WWOX: variants seen among roughly 807,000 people sequenced by gnomAD.
WWOX encodes WW domain containing oxidoreductase.
WWOX carries 69 observed loss-of-function variants against 46.2 expected under a neutral mutation model. The ratio of observed to expected loss-of-function variants is 1.49; its 90% confidence interval spans 1.23 to 1.82. WWOX has a LOEUF of 1.82. Among genes scored for constraint, WWOX ranks in the 40% most tolerant of loss-of-function variants. WWOX has a pLI of 0.00. For synonymous variants in WWOX, 359 were observed against 202.6 expected, an observed-to-expected ratio of 1.77 and a Z score of -6.56; for missense variants, 919 against 542.6, an observed-to-expected ratio of 1.69 and a Z score of -6.89.
intron 8 of WWOX, among the ~76,000 whole-genome samples, chr16:78,687,360 C>G (rs1025647034): frequency 6.6e-6 from 1 of 152,172 alleles, no homozygotes; most frequent in East Asian, 1.9e-4. Context: ...AGAAGAGAAT[C>G]GAAAATGCGA....
chr16:78,236,471 T>A (rs1449202930), intron 5 of WWOX, among the ~76,000 whole-genome samples: 1 of 152,192 alleles, frequency 6.6e-6, no homozygotes, highest in Non-Finnish European at 1.5e-5. Context: ...GGTTTGTCCT[T>A]TCCATGTCAG....
intron 8 of WWOX, among the ~76,000 whole-genome samples, chr16:78,493,123 G>C (rs972492862): frequency 3.9e-5 from 6 of 152,254 alleles, no homozygotes; most frequent in East Asian, 3.9e-4. Context: ...ATTTACTGCT[G>C]TTGGAGCCTG....
chr16:78,330,490 G>C (rs978897841), intron 5 of WWOX, among the ~76,000 whole-genome samples: 3 of 151,894 alleles, frequency 2.0e-5, no homozygotes, highest in African/African-American at 7.3e-5. Flanking sequence ...TCTGCCTCCT[G>C]GGTTCAAGCA....
In WWOX at chr16:78,326,570, T is replaced by TCCCCCCCCCCCC. The variant is rs1287342811; in HGVS notation, c.517-60284_517-60283insCCCCCCCCCCCC. ...TCTCTGGCTTTATTTCTGCCTGCCCTCCCCCCGCCCCCCCCCCCCGCAATG... is the reference window on the plus strand; with the variant it reads ...TCTCTGGCTTTATTTCTGCCTGCCCTCCCCCCCCCCCCCCCCCCGCCCCCCCCCCCCGCAATG... On this transcript the variant is annotated intron_variant, in intron 5 of 8. Coordinates refer to ENST00000566780, the MANE Select transcript of WWOX (RefSeq NM_016373.4). Among the ~76,000 whole-genome samples the TCCCCCCCCCCCC allele has an allele frequency of 1.2e-3, 12 of 10,024 alleles. 1 individual carries two copies. The highest frequency in any genetic ancestry group is 2.0e-3 in the Non-Finnish European group (10 of 5,036). 6.6% of individuals were successfully genotyped at this position (10,024 alleles called of 152,430 possible).
intron 8 of WWOX, among the ~76,000 whole-genome samples, chr16:78,599,439 T>G (rs1173199823): frequency 6.6e-6 from 1 of 152,198 alleles, no homozygotes; most frequent in Non-Finnish European, 1.5e-5. Context: ...TGGCCATGGC[T>G]GGGGAATTGG....
intron 6 of WWOX, among the ~76,000 whole-genome samples, chr16:78,404,327 G>C (rs1329208303): frequency 6.6e-6 from 1 of 152,098 alleles, no homozygotes; most frequent in Admixed American, 6.6e-5. Flanking sequence ...TGTATGCCAA[G>C]CATAACCCTA....
intron 8 of WWOX, among the ~76,000 whole-genome samples, chr16:78,983,439 A>C (rs976053448): frequency 2.1e-4 from 32 of 152,202 alleles, no homozygotes; most frequent in African/African-American, 5.5e-4. Flanking sequence ...TTTATCCATA[A>C]AACTGAACAG....
chr16:78,790,295 T>G (rs1850835410), intron 8 of WWOX, among the ~76,000 whole-genome samples: 1 of 152,040 alleles, frequency 6.6e-6, no homozygotes, highest in Non-Finnish European at 1.5e-5. Context: ...CCAGCACGCC[T>G]GACTGATTTC....
At chr16:78,979,534 A>G (rs570258722) in intron 8 of WWOX, among the ~76,000 whole-genome samples, 10 of 152,184 alleles carry the variant, frequency 6.6e-5, no homozygotes, top group African/African-American at 1.9e-4. Flanking sequence ...ACTCCCTGGA[A>G]TCAGCTAGCG....
chr16:78,691,176 A>G (rs1373178924), intron 8 of WWOX: 5 of 697,988 alleles, frequency 7.2e-6, no homozygotes, highest in East Asian at 2.7e-5. Context: ...TGTTTGTGCG[A>G]TAAGAGAATA....
At chr16:78,671,053 T>C (rs1156470590) in intron 8 of WWOX, among the ~76,000 whole-genome samples, 3 of 152,174 alleles carry the variant, frequency 2.0e-5, no homozygotes, top group Admixed American at 6.5e-5. Context: ...GCATTTCTCC[T>C]GCAGAACCCC....
chr16:78,125,518 G>C (rs1228715415), intron 4 of WWOX, among the ~76,000 whole-genome samples: 1 of 152,172 alleles, frequency 6.6e-6, no homozygotes, highest in Non-Finnish European at 1.5e-5. Flanking sequence ...TCTGCGGGGA[G>C]GGCCAAGGCA....
At chr16:78,645,705 C>T (rs545969058) in intron 8 of WWOX, among the ~76,000 whole-genome samples, 2 of 152,206 alleles carry the variant, frequency 1.3e-5, no homozygotes, top group East Asian at 3.9e-4. Flanking sequence ...GGGATCCACC[C>T]CCGTAACCTA....
chr16:78,362,505 A>C (rs2081433045), intron 5 of WWOX, among the ~76,000 whole-genome samples: 1 of 152,080 alleles, frequency 6.6e-6, no homozygotes, highest in African/African-American at 2.4e-5. Context: ...GGTACTCGGG[A>C]GGCTGAGGCA....
chr16:78,844,942 A>G (rs1460443588), intron 8 of WWOX, among the ~76,000 whole-genome samples: 1 of 152,130 alleles, frequency 6.6e-6, no homozygotes, highest in East Asian at 1.9e-4. Flanking sequence ...AGAGAACAAC[A>G]AAGACTGGCC....
rs114952286 is a variant in WWOX, at chr16:78,375,967, C to T, written c.517-10893C>T. Among the ~76,000 whole-genome samples the T allele has an allele frequency of 5.0e-3, 754 of 151,684 alleles. 5 individuals are homozygous for T. Among genetic ancestry groups the T allele is most frequent in the African/African-American group, 0.017 (708 of 41,308 alleles). On this transcript the variant is annotated intron_variant, in intron 5 of 8. Coordinates refer to ENST00000566780, the MANE Select transcript of WWOX (RefSeq NM_016373.4). The stretch of plus-strand genomic sequence containing the variant: ...CTGGTTTCAAGTGGTTCTTCTGCCT[C>T]AGCCTTCCAATTAGCGGGGACTACC...
At chr16:78,941,487 G>A (rs13332931) in intron 8 of WWOX, among the ~76,000 whole-genome samples, 30,824 of 151,236 alleles carry the variant, frequency 0.2, 4,746 homozygotes, top group African/African-American at 0.43. Flanking sequence ...TCAGTAGAGG[G>A]TGAAAACATT....
chr16:78,376,190 C>T (rs1452602211), intron 5 of WWOX, among the ~76,000 whole-genome samples: 1 of 152,158 alleles, frequency 6.6e-6, no homozygotes, highest in East Asian at 1.9e-4. Flanking sequence ...ACAGTAACTT[C>T]AAGGAAGAGA....
chr16:78,646,120 C>G (rs1219316129), intron 8 of WWOX, among the ~76,000 whole-genome samples: 1 of 152,196 alleles, frequency 6.6e-6, no homozygotes, highest in African/African-American at 2.4e-5. Context: ...TCTACAAAGT[C>G]CCATCTGCCA....
Sources: allele counts gnomAD v4.1 joint callset (sites outside exome capture counted in the v4.1 genomes callset), GRCh38; gene constraint gnomAD v4.1.1; transcripts MANE v1.5; gene names NCBI Gene and HGNC (gene_info 2026-07-23, HGNC 2026-07-21).